Variants in SSH2 observed in about 807,000 individuals in gnomAD.
The protein encoded by SSH2 is protein phosphatase Slingshot homolog 2.
A neutral mutation model predicts 135.2 loss-of-function variants in SSH2; 37 were observed. The ratio of observed to expected loss-of-function variants is 0.27; its 90% CI spans 0.21 to 0.36. SSH2 has a LOEUF of 0.36. SSH2 is among the 10% of genes least tolerant of loss of function. SSH2 has a pLI of 1.00. For synonymous variants in SSH2, 628 were observed against 646.2 expected (o/e 0.97, Z 0.43); for missense variants, 1,408 against 1,765.3 (o/e 0.80, Z 3.63).
intron 1 of SSH2, among the ~76,000 whole-genome samples, chr17:29,905,403 T>C (rs2066634904): frequency 6.6e-6 from 1 of 151,948 alleles, no homozygotes; most frequent in African/African-American, 2.4e-5. Context: ...AGCAGGGAGG[T>C]GTGGCTGGGG....
chr17:29,761,153 T>C, intron 3 of SSH2: 1 of 1,289,186 alleles, frequency 7.8e-7, no homozygotes, highest in East Asian at 5.6e-5. Context: ...GACTCACAGC[T>C]GGTTGATGGC....
intron 3 of SSH2, among the ~76,000 whole-genome samples, chr17:29,709,729 G>T (rs544679578): frequency 6.6e-6 from 1 of 152,194 alleles, no homozygotes; most frequent in South Asian, 2.1e-4. Flanking sequence ...AATCCATTCG[G>T]ATTCCAACTC....
At chr17:29,804,875 G>A (rs1300632398) in intron 2 of SSH2, among the ~76,000 whole-genome samples, 1 of 145,392 alleles carries the variant, frequency 6.9e-6, no homozygotes, top group East Asian at 2.0e-4. Flanking sequence ...TTTGAAGGGG[G>A]AAGAGATGAG....
At chr17:29,794,766 A>G (rs1339662287) in intron 2 of SSH2, among the ~76,000 whole-genome samples, 1 of 152,224 alleles carries the variant, frequency 6.6e-6, no homozygotes, top group East Asian at 1.9e-4. Flanking sequence ...AAGGAGACTC[A>G]TGTGGTAAAG....
intron 1 of SSH2, among the ~76,000 whole-genome samples, chr17:29,884,011 A>G (rs1346826078): frequency 1.3e-5 from 2 of 152,102 alleles, no homozygotes; most frequent in African/African-American, 4.8e-5. Context: ...GAGAGAGGTT[A>G]CTATGTTGCC....
At chr17:29,634,030 T>C (rs2035793616) in intron 15 of SSH2, among the ~76,000 whole-genome samples, 2 of 152,270 alleles carry the variant, frequency 1.3e-5, no homozygotes, top group South Asian at 4.1e-4. Context: ...GCATGGGCCA[T>C]GGAGGGAGGG....
chr17:29,928,648 T>G (rs1452571368), intron 1 of SSH2: 6 of 398,148 alleles, frequency 1.5e-5, no homozygotes, highest in Non-Finnish European at 2.7e-5. Flanking sequence ...AGTTGTCAAT[T>G]TCATCACACA....
intron 1 of SSH2, among the ~76,000 whole-genome samples, chr17:29,926,196 G>A (rs1008873045): frequency 1.3e-5 from 2 of 151,876 alleles, no homozygotes; most frequent in Non-Finnish European, 2.9e-5. Context: ...TCCACTCATG[G>A]CCTCTCTCTC....
chr17:29,648,454 T>C, intron 13 of SSH2, 110 bp from the exon 14 acceptor site: 1 of 840,374 alleles, frequency 1.2e-6, no homozygotes, highest in Non-Finnish European at 1.8e-6. Context: ...TCCATTTTCT[T>C]GCTATGCAAT....
intron 2 of SSH2, among the ~76,000 whole-genome samples, chr17:29,829,911 T>C (rs1208249446): frequency 6.7e-6 from 1 of 150,244 alleles, no homozygotes; most frequent in African/African-American, 2.5e-5. Context: ...GCAATCTCGG[T>C]TCACTGCAAG....
chr17:29,632,911 G>A lies in SSH2; in HGVS notation c.2283C>T (p.Ser761=), dbSNP rs1345272031. ...EQSKAISELV[S]PDIFMQSHSE... ...AGTGAGACTGCATGAAGATGTCTGGGCTGACCAGTTCTGAAATTGCCTAAG... is the reference window on the plus strand; with the variant it reads ...AGTGAGACTGCATGAAGATGTCTGGACTGACCAGTTCTGAAATTGCCTAAG... Residue 761 remains serine (S), a synonymous_variant, in exon 16 of 16, where the codon AGC becomes AGT. Coordinates refer to ENST00000540801, the MANE Select transcript of SSH2 (RefSeq NM_001282129.2). 6.2e-7 allele frequency: 1 copy of A among 1,610,332 alleles called. No individual in the cohort carries two copies. The highest frequency in any genetic ancestry group is 1.7e-5 in the Admixed American group (1 of 59,692).
At chr17:29,728,364 T>C (rs756646328) in intron 3 of SSH2, among the ~76,000 whole-genome samples, 1 of 152,108 alleles carries the variant, frequency 6.6e-6, no homozygotes, top group Non-Finnish European at 1.5e-5. Context: ...ACAACCTCTA[T>C]AATAAAAACT....
At chr17:29,643,696 G>A (rs2150987222) in intron 14 of SSH2, among the ~76,000 whole-genome samples, 1 of 152,274 alleles carries the variant, frequency 6.6e-6, no homozygotes, top group Non-Finnish European at 1.5e-5. Context: ...GTTTAGCCAT[G>A]TTGGCCAGGC....
intron 3 of SSH2, among the ~76,000 whole-genome samples, chr17:29,748,836 C>A (rs1482860377): frequency 6.6e-6 from 1 of 152,150 alleles, no homozygotes; most frequent in Non-Finnish European, 1.5e-5. Context: ...GTAAATCAGA[C>A]ATAAGCTGGA....
At chr17:29,836,838 A>C (rs1405492741) in intron 2 of SSH2, among the ~76,000 whole-genome samples, 2 of 152,224 alleles carry the variant, frequency 1.3e-5, no homozygotes, top group African/African-American at 4.8e-5. Context: ...AATTTGTTAA[A>C]TTTACAACTC....
intron 3 of SSH2, among the ~76,000 whole-genome samples, chr17:29,715,263 T>G (rs74545346): frequency 6.6e-6 from 1 of 151,762 alleles, no homozygotes; most frequent in Non-Finnish European, 1.5e-5. Flanking sequence ...TTTTTTTTTT[T>G]GAGATGGAGT....
At chr17:29,814,130 CAAAAAAAAA>C (rs1402714927) in intron 2 of SSH2, among the ~76,000 whole-genome samples, 1 of 21,142 alleles carries the variant, frequency 4.7e-5, no homozygotes, top group African/African-American at 1.9e-4. Context: ...GACTTCGTCT[CAAAAAAAAA>C]AAAAAAAAAA....
chr17:29,898,815 G>C (rs572789546), intron 1 of SSH2, among the ~76,000 whole-genome samples: 36 of 152,280 alleles, frequency 2.4e-4, no homozygotes, highest in African/African-American at 7.9e-4. Context: ...AAGCCGGGCA[G>C]AGACACAACA....
At chr17:29,828,791 T>G (rs2042788359) in intron 2 of SSH2, among the ~76,000 whole-genome samples, 1 of 152,224 alleles carries the variant, frequency 6.6e-6, no homozygotes, top group African/African-American at 2.4e-5. Flanking sequence ...ATTACAGACG[T>G]TACCTAGTAT....
Sources: allele counts gnomAD v4.1 joint callset (sites outside exome capture counted in the v4.1 genomes callset), GRCh38; gene constraint gnomAD v4.1.1; transcripts MANE v1.5; gene names NCBI Gene and HGNC (gene_info 2026-07-23, HGNC 2026-07-21).